The following ERRFI1 variants were observed in gnomAD, a reference collection of about 807,000 sequenced individuals.
ERRFI1 encodes the protein ERBB receptor feedback inhibitor 1, also known as mitogen-inducible gene 6 protein.
ERRFI1 carries 12 observed loss-of-function variants against 14.6 expected under a neutral mutation model. That is an observed-to-expected ratio of 0.82 (90% CI 0.53 to 1.33). The LOEUF (loss-of-function observed/expected upper bound fraction) is 1.33, where lower values mean the gene tolerates loss of function less well. Ranked by LOEUF, ERRFI1 falls within the 40% of genes most tolerant of loss-of-function variation. The probability of loss-of-function intolerance (pLI) is 0.00; values close to 1 mark genes in which losing one functional copy is unlikely to be tolerated. For synonymous variants in ERRFI1, 202 were observed against 209.9 expected, an observed-to-expected ratio of 0.96 and a Z score of 0.32; for missense variants, 482 against 572.1, an observed-to-expected ratio of 0.84 and a Z score of 1.61.
chr1:8,014,911 T>C (rs768141666), intron 3 of ERRFI1: 5 of 209,178 alleles, frequency 2.4e-5, no homozygotes, highest in Non-Finnish European at 3.9e-5. Context: ...ACATTAAAAA[T>C]ACTATTTTTT....
At chr1:8,025,783 T>A (rs1641338057) in intron 1 of ERRFI1, among the ~76,000 whole-genome samples, 1 of 152,076 alleles carries the variant, frequency 6.6e-6, no homozygotes, top group Admixed American at 6.5e-5. Context: ...CGTCCGCTCC[T>A]GCGGTCCCGG....
At chr1:8,016,573 A>G (rs1641177171) in intron 1 of ERRFI1, among the ~76,000 whole-genome samples, 1 of 152,190 alleles carries the variant, frequency 6.6e-6, no homozygotes, top group South Asian at 2.1e-4. Flanking sequence ...ACAGGTCTGG[A>G]GTCCCTATAG....
Position 8,026,148 on chromosome 1 carries a change from G to A in ERRFI1, c.-74+10C>T, listed in dbSNP as rs1254508403. 1 of 151,792 alleles carries A rather than the reference G, an allele frequency of 6.6e-6. No homozygotes were observed. The highest frequency in any genetic ancestry group is 2.4e-5 in the African/African-American group (1 of 41,366). The allele number at this position is 151,792 out of a possible 1,614,324, so 9.4% of individuals were successfully genotyped here. A position where few individuals can be genotyped will look rare whatever the true frequency, so the allele number is the denominator to read the frequency against. ...CCCTCCCCACCCCCTCAGCGCGCCAGGCCCCTTACCCCGGAGGAGCGGCGG... is the reference window on the plus strand; with the variant it reads ...CCCTCCCCACCCCCTCAGCGCGCCAAGCCCCTTACCCCGGAGGAGCGGCGG... On this transcript the variant is annotated intron_variant, in intron 1 of 3. Transcript: ENST00000377482.
In ERRFI1 at chr1:8,014,320, G is replaced by T; in HGVS notation, c.279C>A (p.Pro93=). 6.2e-7 allele frequency: 1 copy of T among 1,613,338 alleles called. No individual in the cohort carries two copies. Among genetic ancestry groups the T allele is most frequent in the Non-Finnish European group, 8.5e-7 (1 of 1,179,560 alleles). The change falls in exon 4 of 4, where the codon CCC becomes CCA. Residue 93 remains proline (P), a synonymous_variant. Coordinates refer to ENST00000377482, the MANE Select transcript of ERRFI1 (RefSeq NM_018948.4). ...ENGPSQKSSL[P]PLLIPPSENL... ...TTTCACTTGGGGGAATAAGAAGAGG[G>T]GGCAAGCTGGACTTTTGAGATGGAC...
intron 3 of ERRFI1, 48 bp from the exon 4 acceptor site, chr1:8,014,444 A>G: frequency 6.7e-7 from 1 of 1,486,210 alleles, no homozygotes; most frequent in East Asian, 2.3e-5. Flanking sequence ...TCCTCTCTCC[A>G]CCTGTGTGAG....
chr1:8,025,324 A>G (rs911116867), intron 1 of ERRFI1, among the ~76,000 whole-genome samples: 2 of 152,250 alleles, frequency 1.3e-5, no homozygotes, highest in African/African-American at 2.4e-5. Flanking sequence ...GCTATGATAT[A>G]CATATAAATA....
rs187837776 is a variant in ERRFI1 at position 8,024,446 on chromosome 1, C to T, written c.-74+1712G>A. The stretch of plus-strand genomic sequence containing the variant: ...AATGACTGCTCCAATCCTGCTGAGC[C>T]TTAAAAGGTAAAACATGCTTTCATG... On this transcript the variant is annotated intron_variant, in intron 1 of 3. Transcript: ENST00000377482. Among the ~76,000 whole-genome samples the T allele has an allele frequency of 1.2e-3, 180 of 152,334 alleles. 1 individual carries two copies. The highest frequency in any genetic ancestry group is 4.3e-3 in the African/African-American group (177 of 41,570).
At chr1:8,023,665 T>C (rs557375271) in intron 1 of ERRFI1, among the ~76,000 whole-genome samples, 59 of 152,308 alleles carry the variant, frequency 3.9e-4, no homozygotes, top group African/African-American at 1.0e-3. Flanking sequence ...GTGTGAGGAA[T>C]TGGACTACAG....
chr1:8,013,145 A>T lies in ERRFI1; in HGVS notation c.*65T>A. 7.1e-7 allele frequency: 1 copy of T among 1,412,794 alleles called. No individual in the cohort carries two copies. The highest frequency in any genetic ancestry group is 9.6e-7 in the Non-Finnish European group (1 of 1,039,456). 87.5% of individuals were successfully genotyped at this position (1,412,794 alleles called of 1,614,324 possible). A position where few individuals can be genotyped will look rare whatever the true frequency, so the allele number is the denominator to read the frequency against. Reference sequence around the variant, plus strand: ...CTAAGGGATTTTTCTCTGCACTTCAATCAAACTGGAAAATTGAGAACCATT... The same window carrying T: ...CTAAGGGATTTTTCTCTGCACTTCATTCAAACTGGAAAATTGAGAACCATT... On this transcript the variant is annotated 3_prime_UTR_variant, in exon 4 of 4. Coordinates refer to ENST00000377482, the MANE Select transcript of ERRFI1 (RefSeq NM_018948.4). This position sits in a 1 kb window ranked among gnomAD's most constrained non-coding sequence, Gnocchi z 4.3.
Position 8,014,352 on chromosome 1 carries a change from C to T in ERRFI1, c.247G>A (p.Glu83Lys), listed in dbSNP as rs1481833507. Reference sequence around the variant, plus strand: ...CTGGACTTTTGAGATGGACCATTTTCTGCAAAGCAGTGGCCATTCATCGGA... The same window carrying T: ...CTGGACTTTTGAGATGGACCATTTTTTGCAAAGCAGTGGCCATTCATCGGA... Reference protein sequence around the residue: ...SAPMNGHCFAENGPSQKSSLP... With the variant: ...SAPMNGHCFAKNGPSQKSSLP... Residue 83 changes from glutamate to lysine, a missense_variant, in exon 4 of 4, where the codon GAA becomes AAA. Physicochemically the swap from Glu to Lys is moderately conservative, Grantham distance 56. Transcript: ENST00000377482. 6.2e-7 allele frequency: 1 copy of T among 1,606,244 alleles called. No individual in the cohort carries two copies. The highest frequency in any genetic ancestry group is 1.7e-5 in the Admixed American group (1 of 59,248).
chr1:8,020,552 A>AC (rs1553127948), intron 1 of ERRFI1, among the ~76,000 whole-genome samples: 25 of 134,176 alleles, frequency 1.9e-4, no homozygotes, highest in East Asian at 8.5e-4. Context: ...AAAAACACCA[A>AC]TTTTTTTTTT....
At chr1:8,014,642 G>T (rs1006745544) in intron 3 of ERRFI1, 3 of 473,778 alleles carry the variant, frequency 6.3e-6, no homozygotes, top group Non-Finnish European at 7.4e-6. Flanking sequence ...TGTGCACAGC[G>T]CACACCCACA....
intron 1 of ERRFI1, 43 bp from the exon 2 acceptor site, chr1:8,015,735 A>C (rs1315171266): frequency 6.2e-6 from 8 of 1,292,712 alleles, no homozygotes; most frequent in Non-Finnish European, 8.7e-6. Context: ...AACAATTCAG[A>C]AATACCTCCA....
chr1:8,012,617 T>C lies in ERRFI1; in HGVS notation c.*593A>G, dbSNP rs1569577340. 4.4e-6 allele frequency: 1 copy of C among 227,900 alleles called. No individual in the cohort carries two copies. The highest frequency in any genetic ancestry group is 6.3e-5 in the East Asian group (1 of 15,930). 14.1% of individuals were successfully genotyped at this position (227,900 alleles called of 1,614,324 possible). A position where few individuals can be genotyped will look rare whatever the true frequency, so the allele number is the denominator to read the frequency against. On this transcript the variant is annotated 3_prime_UTR_variant, in exon 4 of 4. Coordinates refer to ENST00000377482, the MANE Select transcript of ERRFI1 (RefSeq NM_018948.4). ...AAGTATGAGGCCTTGGTATGATTTT[T>C]AACCTAAGCAGGTACACCCATGGTA...
chr1:8,025,537 G>A (rs1321280342), intron 1 of ERRFI1, among the ~76,000 whole-genome samples: 2 of 152,182 alleles, frequency 1.3e-5, no homozygotes, highest in Admixed American at 6.5e-5. Flanking sequence ...GAGGGAGCGG[G>A]GCTGACCGCC....
rs756319881 is a variant in ERRFI1 at position 8,013,434 on chromosome 1, C to T, written c.1165G>A (p.Val389Ile). Residue 389 changes from valine to isoleucine, a missense_variant, in exon 4 of 4, where the codon GTT (valine) becomes ATT (isoleucine). Coordinates refer to ENST00000377482, the MANE Select transcript of ERRFI1 (RefSeq NM_018948.4). The surrounding 1 kb of genome is among the most constrained non-coding windows in gnomAD (Gnocchi z 4.3). ...AGTAGGTAATAATGTGTTGAACTAA[C>T]CTTCTTCCCATTTTCAATAATGGGC... ...ILPIIENGKK[V>I]SSTHYYLLPE... The T allele has an allele frequency of 5.0e-6, 8 of 1,614,212 alleles. No individual in the cohort carries two copies. Among genetic ancestry groups the T allele is most frequent in the African/African-American group, 1.3e-5 (1 of 75,044 alleles).
chr1:8,017,594 T>C (rs551546229), intron 1 of ERRFI1, among the ~76,000 whole-genome samples: 1 of 152,356 alleles, frequency 6.6e-6, no homozygotes, highest in East Asian at 1.9e-4. Context: ...TCAAGCTTTT[T>C]CTAAGCATTC....
chr1:8,025,169 A>G (rs1318678345), intron 1 of ERRFI1, among the ~76,000 whole-genome samples: 1 of 152,186 alleles, frequency 6.6e-6, no homozygotes, highest in Non-Finnish European at 1.5e-5. Flanking sequence ...CTCCATTCTG[A>G]CTTAAGTTTA....
intron 3 of ERRFI1, chr1:8,014,767 G>C (rs1055616479): frequency 8.5e-6 from 2 of 236,482 alleles, no homozygotes; most frequent in Non-Finnish European, 1.6e-5. Flanking sequence ...ACCATACTAG[G>C]CACGTAGGGT....
Sources: gnomAD v4.1 joint callset for allele counts (sites outside exome capture counted in the v4.1 genomes callset) on GRCh38, gnomAD v4.1.1 for gene constraint, Gnocchi (gnomAD v3.1) non-coding constraint, MANE v1.5 for transcripts, NCBI Gene and HGNC (gene_info 2026-07-23, HGNC 2026-07-21) for gene names.